GPR180: variants seen among roughly 807,000 people sequenced by gnomAD.
The protein encoded by GPR180 is G protein-coupled receptor 180.
A neutral mutation model predicts 52.6 loss-of-function variants in GPR180; 53 were observed. That is an observed-to-expected ratio of 1.01 (90% CI 0.81 to 1.27). The LOEUF is 1.27. Among genes scored for constraint, GPR180 ranks in the 50% most tolerant of loss-of-function variants. The probability of loss-of-function intolerance (pLI) is 0.00; values close to 1 mark genes in which losing one functional copy is unlikely to be tolerated. For synonymous variants in GPR180, 200 were observed against 193.1 expected, an observed-to-expected ratio of 1.04 and a Z score of -0.30; for missense variants, 533 against 527.0, an observed-to-expected ratio of 1.01 and a Z score of -0.11.
At chr13:94,623,033 T>C in intron 6 of GPR180, 76 bp from the exon 7 acceptor site, 1 of 1,043,964 alleles carries the variant, frequency 9.6e-7, no homozygotes, top group Non-Finnish European at 1.4e-6. Context: ...AAGGGATGTT[T>C]ATTAAAGAGT....
chr13:94,602,026 G>T lies in GPR180; in HGVS notation c.99G>T (p.Ala33=). Residue 33 remains alanine (A), a synonymous_variant, in exon 1 of 9, where the codon GCG becomes GCT. Transcript: ENST00000376958. ...TGCGGGGCAGCTTCAGCAGCACCGC[G>T]GCCCAGGACGCCCAGGGCCAGCGCA... ...KTLRGSFSST[A]AQDAQGQRIG... is the part of the protein sequence containing the mutation. 6.9e-7 allele frequency: 1 copy of T among 1,457,314 alleles called. No individual in the cohort carries two copies. 90.3% of individuals were successfully genotyped at this position (1,457,314 alleles called of 1,614,324 possible).
chr13:94,621,575 C>T (rs1214295423), intron 6 of GPR180, among the ~76,000 whole-genome samples: 1 of 152,134 alleles, frequency 6.6e-6, no homozygotes, highest in East Asian at 1.9e-4. Context: ...TCATATTTCT[C>T]TAGCACATGG....
intron 7 of GPR180, 62 bp downstream of exon 7, chr13:94,623,362 A>C (rs1889878792): frequency 7.5e-7 from 1 of 1,325,430 alleles, no homozygotes; most frequent in African/African-American, 1.5e-5. Flanking sequence ...TTTCTTTGGG[A>C]AGTTAATAAA....
Position 94,605,690 on chromosome 13 carries a change from C to T in GPR180, c.304+141C>T, listed in dbSNP as rs1889620944. The T allele has an allele frequency of 7.6e-6, 5 of 654,414 alleles. No homozygotes were observed. The Admixed American group carries it at 1.9e-4, about 24-fold the overall frequency. 40.5% of individuals were successfully genotyped at this position (654,414 alleles called of 1,614,324 possible). A position where few individuals can be genotyped will look rare whatever the true frequency, so the allele number is the denominator to read the frequency against. ...GACACTTTGTCTAGTACATTTTAAG[C>T]TGAGTTTTAACAGTGCCTTTCCCTT... On this transcript the variant is annotated intron_variant, in intron 2 of 8. Transcript: ENST00000376958.
chr13:94,620,615 A>C (rs1385812163), intron 5 of GPR180, among the ~76,000 whole-genome samples: 1 of 152,220 alleles, frequency 6.6e-6, no homozygotes, highest in Non-Finnish European at 1.5e-5. Context: ...TAATAGTTTT[A>C]GAAAATACTC....
chr13:94,620,403 T>C (rs1297855311), intron 5 of GPR180, among the ~76,000 whole-genome samples: 11 of 152,236 alleles, frequency 7.2e-5, no homozygotes, highest in African/African-American at 2.7e-4. Context: ...TGTTGTTTTC[T>C]TGTAGTGTTA....
Position 94,629,689 on chromosome 13 carries a change from A to G in GPR180, c.*2518A>G, listed in dbSNP as rs1274471699. On this transcript the variant is annotated 3_prime_UTR_variant, in exon 9 of 9. Transcript: ENST00000376958. Reference sequence around the variant, plus strand: ...TTAAAACTGGAATTGTGCTAAAATCAGAACATGCGCTTGAATATCTGTAAG... The same window carrying G: ...TTAAAACTGGAATTGTGCTAAAATCGGAACATGCGCTTGAATATCTGTAAG... 1 of 152,244 alleles carries G rather than the reference A, an allele frequency of 6.6e-6. No homozygotes were observed. Among genetic ancestry groups the G allele is most frequent in the Non-Finnish European group, 1.5e-5 (1 of 68,032 alleles). The allele number at this position is 152,244 out of a possible 1,614,324, so 9.4% of individuals were successfully genotyped here.
intron 3 of GPR180, among the ~76,000 whole-genome samples, chr13:94,614,884 A>G (rs1889757817): frequency 6.6e-6 from 1 of 152,244 alleles, no homozygotes; most frequent in African/African-American, 2.4e-5. Flanking sequence ...ATTAATCATT[A>G]GAAAGTGCCA....
At chr13:94,602,139 C>A (rs528248691) in intron 1 of GPR180, 67 bp downstream of exon 1, 30 of 1,237,528 alleles carry the variant, frequency 2.4e-5, no homozygotes, top group East Asian at 3.2e-5. Context: ...GTCCGCCGGC[C>A]GCTCCTCCCG....
intron 5 of GPR180, among the ~76,000 whole-genome samples, chr13:94,620,344 A>AATGATTT (rs1889836035): frequency 6.6e-6 from 1 of 152,216 alleles, no homozygotes; most frequent in East Asian, 1.9e-4. Flanking sequence ...ATTAAATGCT[A>AATGATTT]CCTCATAAAA....
intron 2 of GPR180, 76 bp from the exon 3 acceptor site, chr13:94,612,107 TAACCTCA>T: frequency 1.9e-6 from 2 of 1,066,812 alleles, no homozygotes; most frequent in Non-Finnish European, 2.8e-6. Context: ...AAGATTGTCC[TAACCTCA>T]AATTGATTAT....
intron 3 of GPR180, among the ~76,000 whole-genome samples, chr13:94,617,458 A>G (rs540785328): frequency 4.3e-4 from 65 of 152,136 alleles, no homozygotes; most frequent in Non-Finnish European, 7.8e-4. Context: ...ATGCTTTTCT[A>G]TGTAAGGTGT....
rs1889873467 is a variant in GPR180, at chr13:94,623,104, T to G, written c.895-5T>G. ...CCTAAATGTAATATTGTTTTTCTTTTGCAGAGTGTTTTGCTACTTTGGGAA... is the reference window on the plus strand; with the variant it reads ...CCTAAATGTAATATTGTTTTTCTTTGGCAGAGTGTTTTGCTACTTTGGGAA... On this transcript the variant is annotated splice_polypyrimidine_tract_variant and splice_region_variant and intron_variant, in intron 6 of 8. Transcript: ENST00000376958. The G allele has an allele frequency of 1.2e-6, 2 of 1,600,530 alleles. No homozygotes were observed. The highest frequency in any genetic ancestry group is 2.2e-5 in the South Asian group (2 of 89,662).
In GPR180 at chr13:94,624,583, T is replaced by C. The variant is rs372103454; in HGVS notation, c.1086+1283T>C. On this transcript the variant is annotated intron_variant, in intron 7 of 8. Coordinates refer to ENST00000376958, the MANE Select transcript of GPR180 (RefSeq NM_180989.6). ...TTTTTCGTTGTTGTTTTTGAGACGG[T>C]GTCTCGCTCTATCGCCCAGGCTGGA... Among the ~76,000 whole-genome samples, 7 of 152,210 alleles carry C rather than the reference T, an allele frequency of 4.6e-5. No individual in the cohort carries two copies. In the East Asian group the frequency reaches 1.3e-3, roughly 29 times the overall value.
chr13:94,620,485 G>A (rs1442459697), intron 5 of GPR180, among the ~76,000 whole-genome samples: 1 of 152,130 alleles, frequency 6.6e-6, no homozygotes, highest in African/African-American at 2.4e-5. Flanking sequence ...TGTAGGTGAT[G>A]GCCACCTGGT....
chr13:94,634,532 A>G lies in GPR180; in HGVS notation c.*7361A>G, dbSNP rs548083147. The G allele has an allele frequency of 1.3e-5, 2 of 152,126 alleles. No homozygotes were observed. Among genetic ancestry groups the G allele is most frequent in the East Asian group, 3.9e-4 (2 of 5,182 alleles). 9.4% of individuals were successfully genotyped at this position (152,126 alleles called of 1,614,324 possible). On this transcript the variant is annotated 3_prime_UTR_variant, in exon 9 of 9. Transcript: ENST00000376958. ...AATGTTTTCTTTCATTATGTTGCAT[A>G]TGGCTTTTGTTTTCTGCATGAAAAC... is the stretch of plus-strand genomic sequence containing the variant.
At chr13:94,624,875 A>G (rs1889905437) in intron 7 of GPR180, among the ~76,000 whole-genome samples, 1 of 151,704 alleles carries the variant, frequency 6.6e-6, no homozygotes, top group Admixed American at 6.6e-5. Context: ...GCTCTTGTCC[A>G]GGCTGTAGTG....
intron 2 of GPR180, among the ~76,000 whole-genome samples, chr13:94,610,694 C>T (rs1266793867): frequency 6.6e-6 from 1 of 152,174 alleles, no homozygotes. Context: ...ATTACTTTTG[C>T]ACCAACCTAA....
At chr13:94,624,287 T>C (rs1452947565) in intron 7 of GPR180, among the ~76,000 whole-genome samples, 3 of 152,162 alleles carry the variant, frequency 2.0e-5, no homozygotes, top group African/African-American at 4.8e-5. Context: ...CTGATCAGAC[T>C]GATTCTGTTC....
Sources: allele counts gnomAD v4.1 joint callset (sites outside exome capture counted in the v4.1 genomes callset), GRCh38; gene constraint gnomAD v4.1.1; transcripts MANE v1.5; gene names NCBI Gene and HGNC (gene_info 2026-07-23, HGNC 2026-07-21).